The following PTPRD variants were observed in gnomAD, a reference collection of about 807,000 sequenced individuals.
PTPRD encodes the protein protein tyrosine phosphatase receptor type D, also known as receptor-type tyrosine-protein phosphatase delta.
Under a neutral mutation model 214.5 loss-of-function variants are expected in PTPRD, and 34 were observed. That is an observed-to-expected ratio of 0.16 (90% CI 0.12 to 0.21). The LOEUF (loss-of-function observed/expected upper bound fraction) is 0.21. PTPRD is among the 10% of genes least tolerant of loss of function. The probability of loss-of-function intolerance (pLI) is 1.00; values close to 1 mark genes in which losing one functional copy is unlikely to be tolerated. For synonymous variants in PTPRD, 1,128 were observed against 845.7 expected, an observed-to-expected ratio of 1.33 and a Z score of -5.79; for missense variants, 2,545 against 2,398.7, an observed-to-expected ratio of 1.06 and a Z score of -1.27.
At chr9:10,590,347 A>G (rs1591572529) in intron 2 of PTPRD, among the ~76,000 whole-genome samples, 1 of 152,036 alleles carries the variant, frequency 6.6e-6, no homozygotes, top group African/African-American at 2.4e-5. Context: ...TTTATATACA[A>G]TTAAATGCAC....
At chr9:10,173,306 G>A (rs1221029377) in intron 3 of PTPRD, among the ~76,000 whole-genome samples, 6 of 152,074 alleles carry the variant, frequency 3.9e-5, no homozygotes. Context: ...TATAAATAAT[G>A]GAGTGTTACA....
At chr9:9,322,262 C>T (rs1966854375) in intron 9 of PTPRD, among the ~76,000 whole-genome samples, 1 of 152,272 alleles carries the variant, frequency 6.6e-6, no homozygotes. Context: ...TTCTACTAAA[C>T]TTTGGAACGA....
At chr9:9,580,234 G>C (rs1193769657) in intron 7 of PTPRD, among the ~76,000 whole-genome samples, 1 of 152,072 alleles carries the variant, frequency 6.6e-6, no homozygotes, top group Admixed American at 6.6e-5. Flanking sequence ...CAAGTAGTGG[G>C]ATTGCTGGAT....
At chr9:8,506,359 A>G (rs1045163174) in intron 22 of PTPRD, among the ~76,000 whole-genome samples, 2 of 152,204 alleles carry the variant, frequency 1.3e-5, no homozygotes, top group Admixed American at 6.5e-5. Flanking sequence ...CATTGGATTT[A>G]ACAATAATAA....
At chr9:8,409,521 G>A (rs1250389148) in intron 35 of PTPRD, among the ~76,000 whole-genome samples, 1 of 152,120 alleles carries the variant, frequency 6.6e-6, no homozygotes, top group Non-Finnish European at 1.5e-5. Context: ...TCATCAATTT[G>A]CACATCAGAT....
At chr9:8,367,733 T>C (rs545027456) in intron 39 of PTPRD, among the ~76,000 whole-genome samples, 12 of 152,296 alleles carry the variant, frequency 7.9e-5, no homozygotes, top group African/African-American at 2.6e-4. Context: ...AATATAATAG[T>C]ATTCTTTGTG....
intron 3 of PTPRD, among the ~76,000 whole-genome samples, chr9:10,183,700 A>C (rs1295884603): frequency 6.6e-6 from 1 of 152,216 alleles, no homozygotes; most frequent in African/African-American, 2.4e-5. Context: ...AAAGTAAGTG[A>C]AGGGGACAAA....
At chr9:8,361,734 G>A (rs922799203) in intron 39 of PTPRD, among the ~76,000 whole-genome samples, 6 of 152,156 alleles carry the variant, frequency 3.9e-5, no homozygotes, top group African/African-American at 1.2e-4. Context: ...TGTGTGATGC[G>A]TGCTTGGGGG....
intron 7 of PTPRD, among the ~76,000 whole-genome samples, chr9:9,652,197 A>C (rs1400814707): frequency 6.6e-6 from 1 of 151,896 alleles, no homozygotes; most frequent in African/African-American, 2.4e-5. Context: ...TTTCTGCTCT[A>C]TTACCAGTGT....
Position 9,029,281 on chromosome 9 carries a change from C to T in PTPRD, c.-142-10546G>A, listed in dbSNP as rs1249454185. On this transcript the variant is annotated intron_variant, in intron 10 of 45. Coordinates refer to ENST00000381196, the MANE Select transcript of PTPRD (RefSeq NM_002839.4). ...TGGACAGTGTCAAGCTATTGAGTAA[C>T]TGTTGGAAGGTTGAGATTATTAAAT... Among the ~76,000 whole-genome samples, 3 of 151,746 alleles carry T rather than the reference C, an allele frequency of 2.0e-5. No homozygotes were observed. In the Admixed American group the frequency reaches 2.0e-4, roughly 10 times the overall value.
At chr9:9,395,834 C>T (rs762961391) in intron 9 of PTPRD, among the ~76,000 whole-genome samples, 5 of 152,166 alleles carry the variant, frequency 3.3e-5, no homozygotes, top group African/African-American at 4.8e-5. Flanking sequence ...ATAATAATGA[C>T]GATAACGTCT....
At chr9:8,776,034 T>C (rs2095458399) in intron 11 of PTPRD, among the ~76,000 whole-genome samples, 1 of 152,074 alleles carries the variant, frequency 6.6e-6, no homozygotes. Flanking sequence ...GAAATGAAGA[T>C]TTGGTTTGGT....
chr9:10,387,222 T>C (rs1394962909), intron 2 of PTPRD, among the ~76,000 whole-genome samples: 1 of 151,936 alleles, frequency 6.6e-6, no homozygotes. Context: ...TAATTCTTTA[T>C]AGCAGCAATA....
chr9:9,764,856 T>C (rs2098693445), intron 6 of PTPRD, among the ~76,000 whole-genome samples: 1 of 152,198 alleles, frequency 6.6e-6, no homozygotes, highest in Admixed American at 6.5e-5. Context: ...GGAAATGTTC[T>C]AGTTTTCAGT....
chr9:9,436,933 G>T (rs965827454), intron 8 of PTPRD, among the ~76,000 whole-genome samples: 1 of 151,090 alleles, frequency 6.6e-6, no homozygotes, highest in African/African-American at 2.4e-5. Context: ...CATGGCAATA[G>T]TATGAATAAA....
intron 7 of PTPRD, among the ~76,000 whole-genome samples, chr9:9,668,014 T>A (rs1178462230): frequency 6.6e-6 from 1 of 152,070 alleles, no homozygotes; most frequent in Non-Finnish European, 1.5e-5. Context: ...AATGGACAGA[T>A]TATCATCCAT....
At chr9:9,443,446 C>T (rs550826699) in intron 8 of PTPRD, among the ~76,000 whole-genome samples, 2 of 152,296 alleles carry the variant, frequency 1.3e-5, no homozygotes, top group African/African-American at 4.8e-5. Flanking sequence ...TTTTTGGTCG[C>T]TTTGAATCCA....
chr9:10,343,444 G>C (rs967004195), intron 2 of PTPRD, among the ~76,000 whole-genome samples: 2 of 152,096 alleles, frequency 1.3e-5, no homozygotes, highest in Non-Finnish European at 2.9e-5. Context: ...ACATATATGT[G>C]CATGTGTCTT....
rs557129157 is a variant in PTPRD at position 8,728,022 on chromosome 9, C to T, written c.64+5758G>A. On this transcript the variant is annotated intron_variant, in intron 12 of 45. Transcript: ENST00000381196. ...CAGCAATTTGGGAGGCCACGGCGGG[C>T]GGATCACCTGAGGTCGGGAGTTCGA... Among the ~76,000 whole-genome samples, 9 of 152,102 alleles carry T rather than the reference C, an allele frequency of 5.9e-5. No individual in the cohort carries two copies. The South Asian group carries it at 1.5e-3, about 25-fold the overall frequency.
Sources: gnomAD v4.1 joint callset for allele counts (sites outside exome capture counted in the v4.1 genomes callset) on GRCh38, gnomAD v4.1.1 for gene constraint, MANE v1.5 for transcripts, NCBI Gene and HGNC (gene_info 2026-07-23, HGNC 2026-07-21) for gene names.